Variants in TENM4 observed in about 807,000 individuals in gnomAD.
TENM4 encodes teneurin transmembrane protein 4, also known as teneurin-4.
Under a neutral mutation model 243.3 loss-of-function variants are expected in TENM4, and 82 were observed. The ratio of observed to expected loss-of-function variants is 0.34; its 90% confidence interval spans 0.28 to 0.40. The LOEUF is 0.40. TENM4 is among the 10% of genes least tolerant of loss of function. TENM4 has a pLI of 1.00. For synonymous variants in TENM4, 1,412 were observed against 1,456.3 expected, an observed-to-expected ratio of 0.97 and a Z score of 0.69; for missense variants, 3,138 against 3,673.3, an observed-to-expected ratio of 0.85 and a Z score of 3.77.
intron 20 of TENM4, among the ~76,000 whole-genome samples, chr11:78,733,518 C>A (rs1388985426): frequency 6.6e-6 from 1 of 152,194 alleles, no homozygotes; most frequent in Admixed American, 6.5e-5. Flanking sequence ...ATCTTGTGCC[C>A]AAACAGGACC....
chr11:78,787,332 C>T (rs1487406600), intron 15 of TENM4, among the ~76,000 whole-genome samples: 2 of 152,196 alleles, frequency 1.3e-5, no homozygotes, highest in Non-Finnish European at 2.9e-5. Flanking sequence ...CTGCCCTGTG[C>T]CTGTTTCCCC....
At chr11:79,047,099 T>C (rs1175235888) in intron 6 of TENM4, among the ~76,000 whole-genome samples, 3 of 152,222 alleles carry the variant, frequency 2.0e-5, no homozygotes, top group Non-Finnish European at 2.9e-5. Flanking sequence ...CGGCATTACC[T>C]TGAAATAATA....
chr11:78,888,261 T>C (rs1855587936), intron 9 of TENM4, among the ~76,000 whole-genome samples: 1 of 152,230 alleles, frequency 6.6e-6, no homozygotes, highest in Non-Finnish European at 1.5e-5. Context: ...GTCTCTTACA[T>C]TGAGCCTAAA....
chr11:78,707,982 G>T (rs923201820), intron 27 of TENM4, among the ~76,000 whole-genome samples: 1 of 152,242 alleles, frequency 6.6e-6, no homozygotes, highest in Non-Finnish European at 1.5e-5. Context: ...CAGCATTTCT[G>T]TCCTCACATA....
chr11:78,901,206 G>A (rs1047056885), intron 7 of TENM4, among the ~76,000 whole-genome samples: 2 of 152,040 alleles, frequency 1.3e-5, no homozygotes, highest in Admixed American at 6.5e-5. Context: ...TGTTATATAT[G>A]TATATAGATG....
chr11:78,993,837 G>A (rs773351146), intron 6 of TENM4, among the ~76,000 whole-genome samples: 17 of 152,042 alleles, frequency 1.1e-4, no homozygotes, highest in Admixed American at 1.3e-4. Flanking sequence ...CATAATTCCT[G>A]TAATCTATGT....
chr11:78,729,801 G>T (rs116488806), intron 21 of TENM4, among the ~76,000 whole-genome samples, 158 bp from the exon 22 acceptor site: 1,919 of 152,128 alleles, frequency 0.013, 58 homozygotes, highest in African/African-American at 0.045. Flanking sequence ...AAAGAAGAGG[G>T]GAAGCAGAGG....
chr11:78,950,119 C>T (rs1162993052), intron 6 of TENM4, among the ~76,000 whole-genome samples: 1 of 152,110 alleles, frequency 6.6e-6, no homozygotes, highest in Non-Finnish European at 1.5e-5. Flanking sequence ...TGCCCATTGT[C>T]CAGGCCTTAA....
chr11:78,886,678 A>G (rs1360083567), intron 9 of TENM4, among the ~76,000 whole-genome samples: 1 of 152,218 alleles, frequency 6.6e-6, no homozygotes, highest in East Asian at 1.9e-4. Flanking sequence ...TGGTAGGTGT[A>G]AGCTCTTCCC....
intron 32 of TENM4, among the ~76,000 whole-genome samples, chr11:78,665,108 T>C (rs563365439): frequency 6.6e-6 from 1 of 152,300 alleles, no homozygotes; most frequent in East Asian, 1.9e-4. Flanking sequence ...AGGGGAGTGA[T>C]GAAATGTAGG....
At chr11:78,920,969 C>T in intron 6 of TENM4, among the ~76,000 whole-genome samples, 1 of 152,184 alleles carries the variant, frequency 6.6e-6, no homozygotes, top group East Asian at 1.9e-4. Flanking sequence ...GCTTTCTGAT[C>T]TGTGTTACAG....
chr11:78,675,076 A>G (rs1300465540), intron 30 of TENM4, among the ~76,000 whole-genome samples: 1 of 152,084 alleles, frequency 6.6e-6, no homozygotes, highest in Non-Finnish European at 1.5e-5. Context: ...CGTGTTGGCC[A>G]GGCTGGTCTC....
chr11:79,403,705 A>G (rs757563395), intron 1 of TENM4, among the ~76,000 whole-genome samples: 2 of 152,032 alleles, frequency 1.3e-5, no homozygotes, highest in African/African-American at 2.4e-5. Flanking sequence ...TCCACTCCAC[A>G]AGTCAGTACC....
At chr11:79,193,351 T>G (rs980317541) in intron 3 of TENM4, among the ~76,000 whole-genome samples, 1 of 152,190 alleles carries the variant, frequency 6.6e-6, no homozygotes, top group Non-Finnish European at 1.5e-5. Flanking sequence ...CCATGTGAAA[T>G]GCTGCCTCCC....
intron 19 of TENM4, among the ~76,000 whole-genome samples, chr11:78,750,590 G>A (rs1490147441): frequency 6.6e-6 from 1 of 152,206 alleles, no homozygotes; most frequent in African/African-American, 2.4e-5. Flanking sequence ...GGGGGCAGAC[G>A]TGCAGTGAGA....
At chr11:79,153,506 T>C (rs905753921) in intron 3 of TENM4, among the ~76,000 whole-genome samples, 5 of 152,020 alleles carry the variant, frequency 3.3e-5, no homozygotes, top group African/African-American at 1.2e-4. Flanking sequence ...GATCCCGACT[T>C]GGGTAAGGAG....
At chr11:78,994,617 G>C (rs189443619) in intron 6 of TENM4, among the ~76,000 whole-genome samples, 1 of 152,180 alleles carries the variant, frequency 6.6e-6, no homozygotes, top group African/African-American at 2.4e-5. Context: ...TTTTACAATC[G>C]CTTACGGTAG....
chr11:79,236,636 T>A (rs1334724933), intron 2 of TENM4, among the ~76,000 whole-genome samples: 1 of 152,198 alleles, frequency 6.6e-6, no homozygotes, highest in Non-Finnish European at 1.5e-5. Flanking sequence ...TCTCATTATC[T>A]GGCCACATCT....
intron 9 of TENM4, among the ~76,000 whole-genome samples, chr11:78,884,315 G>T (rs901942553): frequency 1.3e-5 from 2 of 152,192 alleles, no homozygotes; most frequent in African/African-American, 4.8e-5. Context: ...TATAAAATGG[G>T]ACAGTCTTTC....
Sources: allele counts gnomAD v4.1 joint callset (sites outside exome capture counted in the v4.1 genomes callset), GRCh38; gene constraint gnomAD v4.1.1; transcripts MANE v1.5; gene names NCBI Gene and HGNC (gene_info 2026-07-23, HGNC 2026-07-21).